Variants in CLASP2 observed in about 807,000 individuals in gnomAD.
CLASP2 encodes CLIP-associating protein 2.
A neutral mutation model predicts 194.4 loss-of-function variants in CLASP2; 47 were observed. That is an observed-to-expected ratio of 0.24 (90% CI 0.19 to 0.31). The LOEUF (loss-of-function observed/expected upper bound fraction) is 0.31. Among genes scored for constraint, CLASP2 ranks in the 10% least tolerant of loss-of-function variants. CLASP2 has a pLI of 1.00. For synonymous variants in CLASP2, 619 were observed against 633.5 expected (o/e 0.98, Z 0.34); for missense variants, 1,445 against 1,823.6 (o/e 0.79, Z 3.78).
At chr3:33,592,626 T>C (rs1441664594) in intron 20 of CLASP2, 130 bp from the exon 21 acceptor site, 2 of 756,436 alleles carry the variant, frequency 2.6e-6, no homozygotes, top group Admixed American at 4.5e-5. Flanking sequence ...TTACGGGTTC[T>C]ATTTCTCTTA....
At chr3:33,511,705 C>A (rs947211713) in intron 36 of CLASP2, among the ~76,000 whole-genome samples, 1 of 131,842 alleles carries the variant, frequency 7.6e-6, no homozygotes, top group Non-Finnish European at 1.6e-5. Flanking sequence ...CTTAAGAACA[C>A]GTAAAAATAA....
At chr3:33,690,627 C>T (rs2091243831) in intron 2 of CLASP2, among the ~76,000 whole-genome samples, 1 of 152,048 alleles carries the variant, frequency 6.6e-6, no homozygotes, top group African/African-American at 2.4e-5. Flanking sequence ...TTTCAGTTAC[C>T]CATGGCCAAC....
chr3:33,532,470 A>G (rs892601253), intron 34 of CLASP2, among the ~76,000 whole-genome samples: 2 of 152,206 alleles, frequency 1.3e-5, no homozygotes, highest in Non-Finnish European at 2.9e-5. Context: ...GTGCAACAGT[A>G]TGAATATATT....
chr3:33,682,981 T>C (rs897042887), intron 6 of CLASP2: 2 of 152,326 alleles, frequency 1.3e-5, no homozygotes, highest in South Asian at 4.1e-4. Flanking sequence ...CATTTTGCAA[T>C]TGTAAGAACC....
chr3:33,692,262 T>C (rs1422771870), intron 2 of CLASP2, among the ~76,000 whole-genome samples: 2 of 152,182 alleles, frequency 1.3e-5, no homozygotes, highest in Non-Finnish European at 2.9e-5. Context: ...TTTGAGGTGT[T>C]TGAGTGTGTG....
chr3:33,673,087 G>C (rs535892119), intron 6 of CLASP2, among the ~76,000 whole-genome samples: 88 of 152,264 alleles, frequency 5.8e-4, no homozygotes, highest in Non-Finnish European at 8.2e-4. Context: ...AGGAAATACA[G>C]AGAACGCTAC....
At chr3:33,560,599 C>A (rs1382248551) in intron 28 of CLASP2, among the ~76,000 whole-genome samples, 1 of 151,934 alleles carries the variant, frequency 6.6e-6, no homozygotes, top group Non-Finnish European at 1.5e-5. Context: ...AATATTAATA[C>A]AATTTTTATA....
chr3:33,631,391 A>G (rs866741523), intron 9 of CLASP2, among the ~76,000 whole-genome samples: 4 of 152,282 alleles, frequency 2.6e-5, no homozygotes, highest in Non-Finnish European at 5.9e-5. Flanking sequence ...AATCAAGGAC[A>G]TATGTACAAA....
intron 1 of CLASP2, among the ~76,000 whole-genome samples, chr3:33,715,555 C>T (rs1240756059): frequency 2.6e-5 from 4 of 151,908 alleles, no homozygotes; most frequent in Non-Finnish European, 5.9e-5. Flanking sequence ...GAGTAAGTTC[C>T]TGATAATAAT....
At chr3:33,538,650 G>T in intron 33 of CLASP2, 139 bp downstream of exon 33, 1 of 603,208 alleles carries the variant, frequency 1.7e-6, no homozygotes, top group Non-Finnish European at 2.7e-6. Context: ...CTGGTATGTG[G>T]TAGATACTCA....
At chr3:33,545,363 T>G (rs2058993549) in intron 30 of CLASP2, among the ~76,000 whole-genome samples, 1 of 152,198 alleles carries the variant, frequency 6.6e-6, no homozygotes. Context: ...AAATTCAAAT[T>G]ATATAGAGAC....
chr3:33,678,823 T>A (rs1316134224), intron 6 of CLASP2, among the ~76,000 whole-genome samples: 1 of 152,216 alleles, frequency 6.6e-6, no homozygotes, highest in African/African-American at 2.4e-5. Flanking sequence ...GGCTCGGTAT[T>A]TTCAAGATGT....
intron 17 of CLASP2, among the ~76,000 whole-genome samples, 194 bp downstream of exon 17, chr3:33,603,960 G>C (rs567690146): frequency 3.9e-5 from 6 of 152,158 alleles, no homozygotes; most frequent in Non-Finnish European, 7.4e-5. Context: ...ACAAGTAAGA[G>C]TAAGTATGGC....
chr3:33,694,269 A>G (rs2091646588), intron 2 of CLASP2, among the ~76,000 whole-genome samples: 1 of 152,234 alleles, frequency 6.6e-6, no homozygotes, highest in Non-Finnish European at 1.5e-5. Flanking sequence ...GCTTAAGAGA[A>G]TTAAGTTCTG....
At chr3:33,566,815 C>A in intron 26 of CLASP2, 81 bp from the exon 27 acceptor site, 1 of 414,372 alleles carries the variant, frequency 2.4e-6, no homozygotes, top group Non-Finnish European at 4.7e-6. Flanking sequence ...TAGTCGCCAT[C>A]AATGCAAAGT....
chr3:33,627,490 C>G (rs1391937902), intron 9 of CLASP2, among the ~76,000 whole-genome samples: 1 of 152,132 alleles, frequency 6.6e-6, no homozygotes, highest in Non-Finnish European at 1.5e-5. Context: ...TCTCCTCAGT[C>G]ATGATAAACT....
chr3:33,513,375 C>T (rs1481394543), intron 36 of CLASP2, among the ~76,000 whole-genome samples: 1 of 151,820 alleles, frequency 6.6e-6, no homozygotes. Context: ...CCCGTTTCCA[C>T]ACAAAAATTA....
chr3:33,563,000 T>G (rs1248028704), intron 27 of CLASP2, among the ~76,000 whole-genome samples: 1 of 152,108 alleles, frequency 6.6e-6, no homozygotes, highest in Non-Finnish European at 1.5e-5. Flanking sequence ...TCTATACCTA[T>G]CCTTCTAATT....
chr3:33,717,357 C>T (rs2093344355), intron 1 of CLASP2, among the ~76,000 whole-genome samples: 1 of 152,134 alleles, frequency 6.6e-6, no homozygotes, highest in Admixed American at 6.5e-5. Context: ...CAAGTCAGTC[C>T]TCGGCTCGCG....
Sources: allele counts gnomAD v4.1 joint callset (sites outside exome capture counted in the v4.1 genomes callset), GRCh38; gene constraint gnomAD v4.1.1; transcripts MANE v1.5; gene names NCBI Gene and HGNC (gene_info 2026-07-23, HGNC 2026-07-21).